FOXP2: variants seen among roughly 807,000 people sequenced by gnomAD.
The protein encoded by FOXP2 is forkhead box protein P2.
Under a neutral mutation model 115.8 loss-of-function variants are expected in FOXP2, and 12 were observed. The observed-to-expected ratio is 0.10, with a 90% CI of 0.07 to 0.17. The LOEUF (loss-of-function observed/expected upper bound fraction) is 0.17, where lower values mean the gene tolerates loss of function less well. FOXP2 is among the 10% of genes least tolerant of loss of function. The pLI is 1.00. For synonymous variants in FOXP2, 328 were observed against 297.7 expected, an observed-to-expected ratio of 1.10 and a Z score of -1.05; for missense variants, 629 against 843.5, an observed-to-expected ratio of 0.75 and a Z score of 3.15.
At chr7:114,334,679 G>T (rs1257296648) in intron 2 of FOXP2, among the ~76,000 whole-genome samples, 2 of 150,718 alleles carry the variant, frequency 1.3e-5, no homozygotes, top group Admixed American at 1.3e-4. Flanking sequence ...TCAAATTTTA[G>T]ATAAATGTTT....
intron 2 of FOXP2, chr7:114,297,260 C>A (rs904045149): frequency 6.9e-5 from 33 of 481,390 alleles, no homozygotes; most frequent in Non-Finnish European, 1.2e-4. Context: ...GACTCCATGG[C>A]GCGCAGCTCC....
chr7:114,319,441 G>C (rs1797357416), intron 2 of FOXP2, among the ~76,000 whole-genome samples: 1 of 152,230 alleles, frequency 6.6e-6, no homozygotes, highest in Admixed American at 6.5e-5. Context: ...ATTTACAGAA[G>C]AAAGAGGTTT....
At chr7:114,265,573 G>A (rs1173532023) in intron 1 of FOXP2, among the ~76,000 whole-genome samples, 1 of 152,052 alleles carries the variant, frequency 6.6e-6, no homozygotes, top group East Asian at 1.9e-4. Context: ...GGAGCATGGT[G>A]GTCCCCTTCC....
At chr7:114,102,822 A>G (rs2080215650) in intron 1 of FOXP2, among the ~76,000 whole-genome samples, 1 of 151,968 alleles carries the variant, frequency 6.6e-6, no homozygotes, top group African/African-American at 2.4e-5. Flanking sequence ...GCTTGGAATT[A>G]TGAGCTTAAC....
At chr7:114,495,518 T>C (rs1297620797) in intron 2 of FOXP2, among the ~76,000 whole-genome samples, 5 of 138,068 alleles carry the variant, frequency 3.6e-5, no homozygotes, top group African/African-American at 1.4e-4. Flanking sequence ...TTTTTTGTTA[T>C]TGTTGAGACA....
At chr7:114,158,590 C>T (rs564404377), upstream of FOXP2, among the ~76,000 whole-genome samples, 4 of 152,142 alleles carry the variant, frequency 2.6e-5, no homozygotes, top group South Asian at 2.1e-4. Context: ...CTTTGTCCTG[C>T]GCCTTGCCTA....
At chr7:114,689,667 A>G in intron 16 of FOXP2, 115 bp from the exon 17 acceptor site, 1 of 1,025,114 alleles carries the variant, frequency 9.8e-7, no homozygotes, top group Non-Finnish European at 1.5e-6. Context: ...CCCTTTTAAG[A>G]AAGACAATGT....
At chr7:114,483,559 C>G (rs1796645013) in intron 2 of FOXP2, among the ~76,000 whole-genome samples, 1 of 151,746 alleles carries the variant, frequency 6.6e-6, no homozygotes, top group African/African-American at 2.4e-5. Flanking sequence ...CATAATTACT[C>G]TGAATCCTGA....
intron 1 of FOXP2, among the ~76,000 whole-genome samples, chr7:114,229,219 G>T (rs1438174344): frequency 6.6e-6 from 1 of 150,498 alleles, no homozygotes; most frequent in Non-Finnish European, 1.5e-5. Context: ...ATATATATTT[G>T]TATAAATATA....
intron 3 of FOXP2, among the ~76,000 whole-genome samples, chr7:114,592,614 C>T (rs370894104): frequency 5.3e-5 from 8 of 151,920 alleles, no homozygotes; most frequent in African/African-American, 1.9e-4. Context: ...TCTAGATTTA[C>T]TTTCAAATAG....
chr7:114,263,422 CCCTTT>C (rs545404007), intron 1 of FOXP2, among the ~76,000 whole-genome samples: 171 of 147,052 alleles, frequency 1.2e-3, no homozygotes, highest in Middle Eastern at 7.0e-3. Context: ...TTTTCCCTTT[CCCTTT>C]CCTTTCCTTT....
At chr7:114,246,036 A>C (rs184993955) in intron 1 of FOXP2, among the ~76,000 whole-genome samples, 2 of 152,274 alleles carry the variant, frequency 1.3e-5, no homozygotes, top group African/African-American at 4.8e-5. Context: ...GAACATTTCT[A>C]CACAGTTACA....
chr7:114,290,060 G>A, intron 2 of FOXP2, among the ~76,000 whole-genome samples: 1 of 151,716 alleles, frequency 6.6e-6, no homozygotes, highest in South Asian at 2.1e-4. Flanking sequence ...AGTAAAATAG[G>A]GGACTGATAG....
chr7:114,110,302 C>T (rs1320872734), intron 1 of FOXP2, among the ~76,000 whole-genome samples: 1 of 152,100 alleles, frequency 6.6e-6, no homozygotes, highest in Non-Finnish European at 1.5e-5. Flanking sequence ...TTGAATTGAA[C>T]TTGAATTGGT....
At chr7:114,253,908 C>T (rs1795523534) in intron 1 of FOXP2, among the ~76,000 whole-genome samples, 1 of 152,160 alleles carries the variant, frequency 6.6e-6, no homozygotes, top group Non-Finnish European at 1.5e-5. Flanking sequence ...TACAATTTGG[C>T]ATGTTTTTGC....
intron 8 of FOXP2, among the ~76,000 whole-genome samples, chr7:114,651,499 C>T (rs961171369): frequency 1.3e-5 from 2 of 151,886 alleles, no homozygotes; most frequent in South Asian, 2.1e-4. Flanking sequence ...CTTTAAACAT[C>T]GTATAGAAAT....
chr7:114,156,983 A>G (rs1302139472), intron 1 of FOXP2, among the ~76,000 whole-genome samples: 1 of 152,148 alleles, frequency 6.6e-6, no homozygotes, highest in Non-Finnish European at 1.5e-5. Context: ...CTTGGTTGGC[A>G]TGAGACATAT....
chr7:114,444,050 C>G (rs1461656466), intron 2 of FOXP2, among the ~76,000 whole-genome samples: 1 of 152,052 alleles, frequency 6.6e-6, no homozygotes, highest in South Asian at 2.1e-4. Context: ...ACATTTTTTA[C>G]TCACGTTTTA....
At position 114,651,292 on chromosome 7, in the gene FOXP2, T is replaced by C. The variant is rs575955021; in HGVS notation, c.1095-911T>C. 1.2e-4 allele frequency among the ~76,000 whole-genome samples: 19 copies of C among 152,220 alleles called. No individual in the cohort carries two copies. In the South Asian group the frequency reaches 3.7e-3, roughly 30 times the overall value. ...ACATCTCTGAAATTGTTGCCTTACT[T>C]TGCCCATTGGTGAAATAGATACACT... On this transcript the variant is annotated intron_variant, in intron 8 of 16. Coordinates refer to ENST00000350908, the MANE Select transcript of FOXP2 (RefSeq NM_014491.4).
Sources: gnomAD v4.1 joint callset for allele counts (sites outside exome capture counted in the v4.1 genomes callset) on GRCh38, gnomAD v4.1.1 for gene constraint, MANE v1.5 for transcripts, NCBI Gene and HGNC (gene_info 2026-07-23, HGNC 2026-07-21) for gene names.